ZRANB3: variants seen among roughly 807,000 people sequenced by gnomAD.
ZRANB3 encodes the protein zinc finger RANBP2-type containing 3.
In ZRANB3, 125 loss-of-function variants were observed where a neutral mutation model predicts 133.8. The observed-to-expected ratio is 0.93, with a 90% confidence interval of 0.81 to 1.08. The LOEUF (loss-of-function observed/expected upper bound fraction) is 1.08. Among genes scored for constraint, ZRANB3 ranks in the 50% least tolerant of loss-of-function variants. The pLI is 0.00. For synonymous variants in ZRANB3, 387 were observed against 432.7 expected (o/e 0.89, Z 1.31); for missense variants, 1,229 against 1,275.5 (o/e 0.96, Z 0.56).
chr2:135,295,205 G>T (rs1681992946), intron 8 of ZRANB3, among the ~76,000 whole-genome samples: 1 of 152,076 alleles, frequency 6.6e-6, no homozygotes, highest in Non-Finnish European at 1.5e-5. Context: ...TTATTGTGTG[G>T]GAGTCTAAGT....
chr2:135,214,359 T>G (rs1236207472), intron 17 of ZRANB3, among the ~76,000 whole-genome samples: 1 of 152,124 alleles, frequency 6.6e-6, no homozygotes, highest in Non-Finnish European at 1.5e-5. Flanking sequence ...ATCTGCTGCT[T>G]GTTAACACAA....
intron 3 of ZRANB3, among the ~76,000 whole-genome samples, chr2:135,363,351 G>C (rs552314113): frequency 1.2e-3 from 185 of 152,164 alleles, no homozygotes; most frequent in African/African-American, 4.4e-3. Context: ...ATCTTAAAGA[G>C]TCACAAGACA....
At chr2:135,474,978 C>G (rs952672249) in intron 2 of ZRANB3, among the ~76,000 whole-genome samples, 1 of 152,186 alleles carries the variant, frequency 6.6e-6, no homozygotes, top group Non-Finnish European at 1.5e-5. Context: ...CTCCCATTCA[C>G]ACACTGACTT....
intron 3 of ZRANB3, among the ~76,000 whole-genome samples, chr2:135,356,634 T>C (rs1685448322): frequency 6.6e-6 from 1 of 152,222 alleles, no homozygotes; most frequent in Admixed American, 6.5e-5. Flanking sequence ...ACTCCAGATG[T>C]TATTTTTCAG....
At chr2:135,371,315 G>T (rs1167336265) in intron 3 of ZRANB3, among the ~76,000 whole-genome samples, 2 of 152,166 alleles carry the variant, frequency 1.3e-5, no homozygotes, top group Non-Finnish European at 2.9e-5. Flanking sequence ...TGCACTTGGA[G>T]GTGTTAATGT....
At chr2:135,359,540 G>A (rs942464471) in intron 3 of ZRANB3, among the ~76,000 whole-genome samples, 1 of 147,478 alleles carries the variant, frequency 6.8e-6, no homozygotes, top group Non-Finnish European at 1.5e-5. Context: ...CCATTACCAC[G>A]TCACTGCACT....
chr2:135,233,623 A>G (rs1695139957), intron 12 of ZRANB3, among the ~76,000 whole-genome samples: 1 of 152,258 alleles, frequency 6.6e-6, no homozygotes, highest in Non-Finnish European at 1.5e-5. Context: ...GCCAGAAGAC[A>G]GTGGGGGCCA....
chr2:135,347,675 T>G (rs1685004894), intron 5 of ZRANB3, among the ~76,000 whole-genome samples: 1 of 152,216 alleles, frequency 6.6e-6, no homozygotes, highest in South Asian at 2.1e-4. Flanking sequence ...TAAAGTGACT[T>G]CAGTGCTTTA....
chr2:135,405,072 C>T (rs1490021389), intron 2 of ZRANB3, among the ~76,000 whole-genome samples: 1 of 152,106 alleles, frequency 6.6e-6, no homozygotes, highest in Non-Finnish European at 1.5e-5. Flanking sequence ...ATTCAGGAAA[C>T]CCATCTTACG....
At chr2:135,400,371 A>G (rs1446841145) in intron 2 of ZRANB3, among the ~76,000 whole-genome samples, 1 of 151,820 alleles carries the variant, frequency 6.6e-6, no homozygotes, top group Non-Finnish European at 1.5e-5. Flanking sequence ...CTCTAAATGG[A>G]GACGTGCTCT....
intron 6 of ZRANB3, among the ~76,000 whole-genome samples, chr2:135,319,077 G>A (rs543708574): frequency 6.6e-6 from 1 of 152,342 alleles, no homozygotes; most frequent in South Asian, 2.1e-4. Context: ...AGAGGGGCAA[G>A]TGCCTAGCAG....
At chr2:135,252,058 C>CA (rs965145150) in intron 12 of ZRANB3, among the ~76,000 whole-genome samples, 2 of 151,952 alleles carry the variant, frequency 1.3e-5, no homozygotes, top group Non-Finnish European at 2.9e-5. Context: ...AACAAACAAA[C>CA]AAAAAAACCC....
At chr2:135,264,612 CTACT>C (rs1238520421) in intron 12 of ZRANB3, among the ~76,000 whole-genome samples, 2 of 152,164 alleles carry the variant, frequency 1.3e-5, no homozygotes, top group South Asian at 4.2e-4. Context: ...TGTTATACCG[CTACT>C]TACTTACTAA....
At chr2:135,365,603 G>A (rs770796348) in intron 3 of ZRANB3, among the ~76,000 whole-genome samples, 2 of 152,156 alleles carry the variant, frequency 1.3e-5, no homozygotes, top group Non-Finnish European at 2.9e-5. Flanking sequence ...CACTGAATTT[G>A]TTGATCACAA....
At chr2:135,275,874 A>G (rs1680795191) in intron 8 of ZRANB3, 119 bp from the exon 9 acceptor site, 2 of 762,040 alleles carry the variant, frequency 2.6e-6, no homozygotes, top group Non-Finnish European at 3.8e-6. Context: ...TTTTAGCTGC[A>G]TTGTTCTCTA....
At chr2:135,491,639 A>T (rs1692381387) in intron 2 of ZRANB3, among the ~76,000 whole-genome samples, 1 of 152,074 alleles carries the variant, frequency 6.6e-6, no homozygotes, top group African/African-American at 2.4e-5. Context: ...TCAGTGTCCC[A>T]GGTAGCTGGG....
intron 12 of ZRANB3, among the ~76,000 whole-genome samples, chr2:135,232,098 C>T (rs931771327): frequency 1.3e-5 from 2 of 152,318 alleles, no homozygotes; most frequent in Non-Finnish European, 2.9e-5. Flanking sequence ...CACCCTAATA[C>T]TGCGCTTTTC....
intron 6 of ZRANB3, among the ~76,000 whole-genome samples, chr2:135,338,151 G>A (rs1684452969): frequency 6.6e-6 from 1 of 152,132 alleles, no homozygotes; most frequent in Non-Finnish European, 1.5e-5. Context: ...TGTTATTCAT[G>A]TCAAGAAGTT....
At position 135,245,926 on chromosome 2, in the gene ZRANB3, CAAAAAA is replaced by C. The variant is rs1177438717; in HGVS notation, c.1540-15005_1540-15000del. The stretch of plus-strand genomic sequence containing the variant: ...GGGCAACGAGATTGAAACTCCGTCT[CAAAAAA>C]AAAAAAAAAAAAAAAAGAGACAGGG... On this transcript the variant is annotated intron_variant, in intron 12 of 20. Coordinates refer to ENST00000264159, the MANE Select transcript of ZRANB3 (RefSeq NM_032143.4). 9.1e-3 allele frequency among the ~76,000 whole-genome samples: 177 copies of C among 19,554 alleles called. 7 individuals are homozygous for C. The highest frequency in any genetic ancestry group is 0.027 in the South Asian group (5 of 188). The allele number at this position is 19,554 out of a possible 152,430, so 12.8% of individuals were successfully genotyped here. A position where few individuals can be genotyped will look rare whatever the true frequency, so the allele number is the denominator to read the frequency against.
Sources: gnomAD v4.1 joint callset for allele counts (sites outside exome capture counted in the v4.1 genomes callset) on GRCh38, gnomAD v4.1.1 for gene constraint, MANE v1.5 for transcripts, NCBI Gene and HGNC (gene_info 2026-07-23, HGNC 2026-07-21) for gene names.